The following DYNLRB2 variants were observed in gnomAD, a reference collection of about 807,000 sequenced individuals.
DYNLRB2 encodes the protein dynein light chain roadblock-type 2.
A neutral mutation model predicts 12.6 loss-of-function variants in DYNLRB2; 14 were observed. The ratio of observed to expected loss-of-function variants is 1.11; its 90% confidence interval spans 0.73 to 1.73. The LOEUF (loss-of-function observed/expected upper bound fraction) is 1.73. Among genes scored for constraint, DYNLRB2 ranks in the 40% most tolerant of loss-of-function variants. The probability of loss-of-function intolerance (pLI) is 0.00; values close to 1 mark genes in which losing one functional copy is unlikely to be tolerated. For missense variants in DYNLRB2, 142 were observed against 117.7 expected, an observed-to-expected ratio of 1.21 and a Z score of -0.95; for synonymous variants, 53 against 37.0, an observed-to-expected ratio of 1.43 and a Z score of -1.57.
At chr16:80,547,331 T>G (rs1186045574) in intron 2 of DYNLRB2, among the ~76,000 whole-genome samples, 1 of 152,218 alleles carries the variant, frequency 6.6e-6, no homozygotes, top group East Asian at 1.9e-4. Flanking sequence ...AACCAGTGGT[T>G]GTTTCTCAGA....
At chr16:80,541,350 A>C in intron 1 of DYNLRB2, 1 of 984,516 alleles carries the variant, frequency 1.0e-6, no homozygotes, top group South Asian at 4.7e-5. Flanking sequence ...AGAGAGATTC[A>C]GAGGATGAAG....
At chr16:80,543,184 A>G (rs1400842186) in intron 1 of DYNLRB2, 92 bp from the exon 2 acceptor site, 8 of 1,270,416 alleles carry the variant, frequency 6.3e-6, no homozygotes, top group Middle Eastern at 1.9e-4. Flanking sequence ...TTAAGGAGAT[A>G]GGAGAGTAGG....
chr16:80,543,372 C>T (rs1904307381), intron 2 of DYNLRB2, 21 bp downstream of exon 2: 1 of 1,612,582 alleles, frequency 6.2e-7, no homozygotes, highest in Admixed American at 1.7e-5. Context: ...CACAGGCTGT[C>T]TTCTTGACAC....
chr16:80,548,755 G>C (rs548731789), intron 2 of DYNLRB2, among the ~76,000 whole-genome samples: 1 of 150,436 alleles, frequency 6.6e-6, no homozygotes, highest in South Asian at 2.1e-4. Flanking sequence ...GAGCACCCAA[G>C]TAGCCAAATT....
chr16:80,545,002 C>A (rs577103873), intron 2 of DYNLRB2, among the ~76,000 whole-genome samples: 2 of 152,244 alleles, frequency 1.3e-5, no homozygotes, highest in South Asian at 4.1e-4. Context: ...AATAAGGCCA[C>A]CTTCTGAGGT....
At chr16:80,549,108 C>A in intron 2 of DYNLRB2, 2 of 426,324 alleles carry the variant, frequency 4.7e-6, no homozygotes, top group Admixed American at 2.6e-5. Context: ...CATCATCACC[C>A]CATTAGCTAT....
chr16:80,548,534 CA>C (rs1567518517), intron 2 of DYNLRB2, among the ~76,000 whole-genome samples: 1 of 152,064 alleles, frequency 6.6e-6, no homozygotes, highest in African/African-American at 2.4e-5. Flanking sequence ...TCAGCCTAAC[CA>C]ACATGGTGAA....
chr16:80,541,178 T>C lies in DYNLRB2; in HGVS notation c.3+99T>C, dbSNP rs1195330169. 10 of 1,483,566 alleles carry C rather than the reference T, an allele frequency of 6.7e-6. No homozygotes were observed. The East Asian group carries it at 2.2e-4, about 32-fold the overall frequency. The allele number at this position is 1,483,566 out of a possible 1,614,324, so 91.9% of individuals were successfully genotyped here. A position where few individuals can be genotyped will look rare whatever the true frequency, so the allele number is the denominator to read the frequency against. On this transcript the variant is annotated intron_variant, in intron 1 of 3. Transcript: ENST00000305904. ...CTGGGGCCCACCCAGGCACGGGCGG[T>C]CCAGGGGCCGCGGCGGAGGCTGGTG...
At position 80,549,659 on chromosome 16, in the gene DYNLRB2, G is replaced by C; in HGVS notation, c.247+8G>C. 1 of 1,575,152 alleles carries C rather than the reference G, an allele frequency of 6.3e-7. No homozygotes were observed. The highest frequency in any genetic ancestry group is 8.7e-7 in the Non-Finnish European group (1 of 1,153,498). ...AAATCATGGTAGCTCCAGGTAATTT[G>C]GCATTTCATTTCCTAGTTAAATCAT... On this transcript the variant is annotated splice_region_variant and intron_variant, in intron 3 of 3. Transcript: ENST00000305904.
At chr16:80,544,510 C>A (rs1332217737) in intron 2 of DYNLRB2, among the ~76,000 whole-genome samples, 1 of 152,180 alleles carries the variant, frequency 6.6e-6, no homozygotes, top group Non-Finnish European at 1.5e-5. Flanking sequence ...TTCCAGGAAG[C>A]ATTCCAGCCC....
intron 3 of DYNLRB2, among the ~76,000 whole-genome samples, 155 bp downstream of exon 3, chr16:80,549,806 C>CA (rs1266106002): frequency 2.0e-5 from 3 of 152,050 alleles, no homozygotes; most frequent in Non-Finnish European, 4.4e-5. Flanking sequence ...AAATCCCAAC[C>CA]AAAAAAATTG....
chr16:80,540,954 G>C, upstream of DYNLRB2: 1 of 1,543,068 alleles, frequency 6.5e-7, no homozygotes, highest in South Asian at 1.2e-5. Context: ...GAGCGCGCAG[G>C]CGCAGCCCTG....
At chr16:80,543,396 A>T (rs1378298096) in intron 2 of DYNLRB2, 45 bp downstream of exon 2, 20 of 1,596,436 alleles carry the variant, frequency 1.3e-5, no homozygotes, top group Non-Finnish European at 1.5e-5. Context: ...GAAGCCAACC[A>T]GGAACCTGTT....
chr16:80,549,529 A>G lies in DYNLRB2; in HGVS notation c.125A>G (p.Tyr42Cys). 6.2e-7 allele frequency: 1 copy of G among 1,613,470 alleles called. No homozygotes were observed. Among genetic ancestry groups the G allele is most frequent in the Non-Finnish European group, 8.5e-7 (1 of 1,179,556 alleles). ...TTGGACAACTCAACAACTGTTCAATATGCAGGCCTTCTTCATCACCTGACA... is the reference window on the plus strand; with the variant it reads ...TTGGACAACTCAACAACTGTTCAATGTGCAGGCCTTCTTCATCACCTGACA... ...TTLDNSTTVQ[Y>C]AGLLHHLTMK... Residue 42 changes from tyrosine to cysteine, a missense_variant, in exon 3 of 4, where the codon TAT (tyrosine) becomes TGT (cysteine). By Grantham distance (194) the Tyr-to-Cys change is radical. Transcript: ENST00000305904.
intron 3 of DYNLRB2, 22 bp from the exon 4 acceptor site, chr16:80,550,493 G>T (rs1183955703): frequency 5.0e-6 from 8 of 1,613,520 alleles, no homozygotes; most frequent in East Asian, 2.2e-5. Flanking sequence ...AGGGTGAATT[G>T]ATTTTATCCA....
chr16:80,549,337 G>T (rs868346956), intron 2 of DYNLRB2, 147 bp from the exon 3 acceptor site: 3 of 763,902 alleles, frequency 3.9e-6, no homozygotes, highest in Non-Finnish European at 5.8e-6. Flanking sequence ...GGATTTGAGG[G>T]AAATAAACTA....
intron 2 of DYNLRB2, among the ~76,000 whole-genome samples, chr16:80,545,904 T>C (rs1904433846): frequency 6.6e-6 from 1 of 151,640 alleles, no homozygotes; most frequent in Admixed American, 6.6e-5. Context: ...CTCCTGACCT[T>C]GTGATCCACC....
intron 2 of DYNLRB2, chr16:80,548,844 T>C (rs553801993): frequency 2.1e-4 from 90 of 430,644 alleles, no homozygotes; most frequent in African/African-American, 1.8e-3. Context: ...CCACATTTTC[T>C]AACATAAAAC....
chr16:80,550,485 G>T, intron 3 of DYNLRB2, 30 bp from the exon 4 acceptor site: 1 of 1,612,590 alleles, frequency 6.2e-7, no homozygotes, highest in Non-Finnish European at 8.5e-7. Flanking sequence ...TTAAATTAAG[G>T]GTGAATTGAT....
Sources: allele counts gnomAD v4.1 joint callset (sites outside exome capture counted in the v4.1 genomes callset), GRCh38; gene constraint gnomAD v4.1.1; transcripts MANE v1.5; gene names NCBI Gene and HGNC (gene_info 2026-07-23, HGNC 2026-07-21).